The following SHISA9 variants were observed in gnomAD, a reference collection of about 807,000 sequenced individuals.
SHISA9 encodes the protein protein shisa-9.
Under a neutral mutation model 38.0 loss-of-function variants are expected in SHISA9, and 13 were observed. The ratio of observed to expected loss-of-function variants is 0.34; its 90% confidence interval spans 0.22 to 0.54. SHISA9 has a LOEUF of 0.54. Among genes scored for constraint, SHISA9 ranks in the 20% least tolerant of loss-of-function variants. The probability of loss-of-function intolerance (pLI) is 0.91; values close to 1 mark genes in which losing one functional copy is unlikely to be tolerated. For missense variants in SHISA9, 538 were observed against 575.8 expected (o/e 0.93, Z 0.67); for synonymous variants, 275 against 242.0 (o/e 1.14, Z -1.27).
chr16:13,415,271 C>G, the SHISA9 span, among the ~76,000 whole-genome samples: 1 of 152,156 alleles, frequency 6.6e-6, no homozygotes, highest in Non-Finnish European at 1.5e-5. Context: ...AAAAGAATAT[C>G]GTGTGCTTTG....
the SHISA9 span, among the ~76,000 whole-genome samples, chr16:13,378,271 T>G: frequency 6.6e-6 from 1 of 152,200 alleles, no homozygotes; most frequent in Admixed American, 6.5e-5. Flanking sequence ...ACTCACATAA[T>G]GTCATACAAA....
intron 2 of SHISA9, among the ~76,000 whole-genome samples, chr16:13,169,751 A>T (rs937215757): frequency 6.6e-6 from 1 of 152,204 alleles, no homozygotes. Context: ...CCGAAAGCTA[A>T]TGATGACATA....
At chr16:13,068,313 G>T (rs1470192986) in intron 2 of SHISA9, among the ~76,000 whole-genome samples, 1 of 152,212 alleles carries the variant, frequency 6.6e-6, no homozygotes, top group Non-Finnish European at 1.5e-5. Context: ...TCATTCTTGT[G>T]TGGCTGCAAT....
chr16:13,372,451 T>C, the SHISA9 span, among the ~76,000 whole-genome samples: 2 of 152,118 alleles, frequency 1.3e-5, no homozygotes, highest in African/African-American at 4.8e-5. Context: ...AAGTCTTAGG[T>C]CTAATTGCAA....
the SHISA9 span, among the ~76,000 whole-genome samples, chr16:13,557,155 A>G: frequency 6.6e-6 from 1 of 152,230 alleles, no homozygotes; most frequent in African/African-American, 2.4e-5. Context: ...ATATTCTTCA[A>G]CAAGTGTTAA....
intron 2 of SHISA9, among the ~76,000 whole-genome samples, chr16:13,104,696 G>A (rs2073909526): frequency 6.6e-6 from 1 of 150,600 alleles, no homozygotes; most frequent in Non-Finnish European, 1.5e-5. Context: ...CTGGGGTGGG[G>A]ATGGAGGTGA....
chr16:13,438,115 C>T, the SHISA9 span, among the ~76,000 whole-genome samples: 1 of 152,194 alleles, frequency 6.6e-6, no homozygotes, highest in Admixed American at 6.5e-5. Context: ...ATCCACCCAC[C>T]TCGGCCTCCC....
chr16:13,457,837 C>T, the SHISA9 span, among the ~76,000 whole-genome samples: 1 of 152,026 alleles, frequency 6.6e-6, no homozygotes, highest in Non-Finnish European at 1.5e-5. Flanking sequence ...TGAATAATCA[C>T]ATATGAGAAA....
chr16:12,951,631 G>T (rs1369365083), intron 2 of SHISA9, among the ~76,000 whole-genome samples: 3 of 152,180 alleles, frequency 2.0e-5, no homozygotes, highest in South Asian at 2.1e-4. Flanking sequence ...TGGGGATGGC[G>T]GTGGGGGAGG....
At chr16:13,241,073 C>G (rs138751354), downstream of SHISA9, among the ~76,000 whole-genome samples, 7 of 152,154 alleles carry the variant, frequency 4.6e-5, no homozygotes, top group African/African-American at 1.4e-4. Flanking sequence ...AACACACACA[C>G]AGAATCATCC....
Position 13,209,395 on chromosome 16 carries a change from C to A in SHISA9, c.848-3858C>A, listed in dbSNP as rs1362172637. Among the ~76,000 whole-genome samples the A allele has an allele frequency of 2.6e-5, 4 of 152,146 alleles. No homozygotes were observed. In the East Asian group the frequency reaches 7.7e-4, roughly 29 times the overall value. On this transcript the variant is annotated intron_variant, in intron 3 of 4. Coordinates refer to ENST00000558583, the MANE Select transcript of SHISA9 (RefSeq NM_001145204.3). Reference sequence around the variant, plus strand: ...GGATCTGATAAAACAAGCAGGCAAGCAAGCAAACAAATGGCTTTTCTAAGC... The same window carrying A: ...GGATCTGATAAAACAAGCAGGCAAGAAAGCAAACAAATGGCTTTTCTAAGC...
intron 2 of SHISA9, among the ~76,000 whole-genome samples, chr16:13,049,101 A>T (rs2073219027): frequency 6.6e-6 from 1 of 152,000 alleles, no homozygotes; most frequent in South Asian, 2.1e-4. Context: ...ACTAGCCAGG[A>T]AATTACTGAC....
chr16:13,234,949 A>C, intron 4 of SHISA9, 81 bp from the exon 5 acceptor site: 1 of 1,401,662 alleles, frequency 7.1e-7, no homozygotes, highest in Non-Finnish European at 9.5e-7. Flanking sequence ...TTGACATGCC[A>C]GTCTCTAACT....
At chr16:13,244,367 C>T (rs148454355), downstream of SHISA9, among the ~76,000 whole-genome samples, 12 of 152,270 alleles carry the variant, frequency 7.9e-5, no homozygotes, top group African/African-American at 2.6e-4. Context: ...ACCCCTGAGA[C>T]AGCAAGACCA....
At chr16:13,251,084 C>T in the SHISA9 span, among the ~76,000 whole-genome samples, 4 of 152,122 alleles carry the variant, frequency 2.6e-5, no homozygotes, top group East Asian at 1.9e-4. Flanking sequence ...ACCCCCACCC[C>T]GTCTTCCTGC....
chr16:13,068,964 C>T (rs1466079508), intron 2 of SHISA9, among the ~76,000 whole-genome samples: 1 of 150,790 alleles, frequency 6.6e-6, no homozygotes, highest in Non-Finnish European at 1.5e-5. Flanking sequence ...TGTACATATG[C>T]ATGTATGTAT....
At chr16:13,374,956 A>C in the SHISA9 span, among the ~76,000 whole-genome samples, 2 of 152,174 alleles carry the variant, frequency 1.3e-5, no homozygotes, top group Non-Finnish European at 2.9e-5. Context: ...TGGCTGCATA[A>C]ATGTCTTCTT....
chr16:13,447,891 C>T, the SHISA9 span, among the ~76,000 whole-genome samples: 504 of 152,286 alleles, frequency 3.3e-3, 2 homozygotes, highest in African/African-American at 0.012. Flanking sequence ...ATTGCATGCC[C>T]TTCATTTGAA....
chr16:13,116,342 G>A (rs992309710), intron 2 of SHISA9, among the ~76,000 whole-genome samples: 31 of 152,146 alleles, frequency 2.0e-4, no homozygotes, highest in African/African-American at 7.5e-4. Flanking sequence ...AGTGTTCCTC[G>A]GAAATAAATA....
Sources: allele counts gnomAD v4.1 joint callset (sites outside exome capture counted in the v4.1 genomes callset), GRCh38; gene constraint gnomAD v4.1.1; transcripts MANE v1.5; gene names NCBI Gene and HGNC (gene_info 2026-07-23, HGNC 2026-07-21).